Variants in GNB4 observed in about 807,000 individuals in gnomAD.
GNB4 encodes the protein G protein subunit beta 4.
In GNB4, 28 loss-of-function variants were observed where a neutral mutation model predicts 45.2. The observed-to-expected ratio is 0.62, with a 90% CI of 0.46 to 0.85. The LOEUF (loss-of-function observed/expected upper bound fraction) is 0.85, where lower values mean the gene tolerates loss of function less well. GNB4 is among the 40% of genes least tolerant of loss of function. The probability of loss-of-function intolerance (pLI) is 0.00; values close to 1 mark genes in which losing one functional copy is unlikely to be tolerated. For missense variants in GNB4, 321 were observed against 425.4 expected (o/e 0.75, Z 2.16); for synonymous variants, 132 against 143.7 (o/e 0.92, Z 0.58).
At chr3:179,455,074 C>T (rs1715958452), upstream of GNB4, among the ~76,000 whole-genome samples, 1 of 152,168 alleles carries the variant, frequency 6.6e-6, no homozygotes, top group African/African-American at 2.4e-5. Context: ...TTGCTGTACT[C>T]CTCTGACACT....
the GNB4 span, among the ~76,000 whole-genome samples, chr3:179,475,079 CAG>C: frequency 6.6e-6 from 1 of 152,012 alleles, no homozygotes; most frequent in Admixed American, 6.6e-5. Context: ...GAGACAGAGA[CAG>C]AGAGGGCCAA....
intron 2 of GNB4, among the ~76,000 whole-genome samples, chr3:179,423,617 A>G (rs917446745): frequency 6.6e-6 from 1 of 152,116 alleles, no homozygotes. Flanking sequence ...CCCCGTGTCT[A>G]CTAAAAATAC....
intron 8 of GNB4, among the ~76,000 whole-genome samples, chr3:179,411,916 T>C (rs1032666436): frequency 2.0e-5 from 3 of 152,344 alleles, no homozygotes; most frequent in African/African-American, 7.2e-5. Context: ...TCTAGTCATA[T>C]CTGTACTGTT....
the GNB4 span, among the ~76,000 whole-genome samples, chr3:179,513,401 C>T: frequency 6.6e-6 from 1 of 152,028 alleles, no homozygotes; most frequent in Non-Finnish European, 1.5e-5. Context: ...CCAGGCTGGT[C>T]TCAACCTCCT....
rs1274879698 is a variant in GNB4, at chr3:179,413,581, G to T, written c.530C>A (p.Thr177Asn). 20 of 1,613,994 alleles carry T rather than the reference G, an allele frequency of 1.2e-5. No individual in the cohort carries two copies. In the East Asian group the frequency reaches 4.0e-4, roughly 32 times the overall value. ...ALWDIETAQQ[T>N]TTFTGHSGDV... ...TCCAGAATGCCCAGTGAATGTGGTGGTCTGCTGGGCAGTTTCGATGTCCCA... is the reference window on the plus strand; with the variant it reads ...TCCAGAATGCCCAGTGAATGTGGTGTTCTGCTGGGCAGTTTCGATGTCCCA... Residue 177 changes from threonine (T) to asparagine (N), a missense_variant, in exon 8 of 10, where the codon ACC becomes AAC. Transcript: ENST00000232564.
At chr3:179,491,376 G>A in the GNB4 span, among the ~76,000 whole-genome samples, 1 of 152,172 alleles carries the variant, frequency 6.6e-6, no homozygotes, top group African/African-American at 2.4e-5. Flanking sequence ...AATACATTAT[G>A]GAAGGTGCTA....
At chr3:179,473,077 C>A in the GNB4 span, among the ~76,000 whole-genome samples, 1 of 152,136 alleles carries the variant, frequency 6.6e-6, no homozygotes, top group Non-Finnish European at 1.5e-5. Context: ...GCAGGAGAAT[C>A]GCTTGAACCC....
the GNB4 span, among the ~76,000 whole-genome samples, chr3:179,492,645 A>G: frequency 6.6e-6 from 1 of 152,158 alleles, no homozygotes; most frequent in African/African-American, 2.4e-5. Context: ...AAGCATGTCC[A>G]TGCCCCAGGA....
chr3:179,509,176 C>A, the GNB4 span, among the ~76,000 whole-genome samples: 1 of 150,502 alleles, frequency 6.6e-6, no homozygotes, highest in African/African-American at 2.5e-5. Context: ...CATACACACA[C>A]ACACACACAC....
chr3:179,494,605 A>T, the GNB4 span, among the ~76,000 whole-genome samples: 3 of 152,008 alleles, frequency 2.0e-5, no homozygotes, highest in East Asian at 5.8e-4. Context: ...GAAAGAAGGA[A>T]GGAAGAAAAG....
chr3:179,423,910 A>G (rs1292057015), intron 2 of GNB4, among the ~76,000 whole-genome samples: 2 of 152,212 alleles, frequency 1.3e-5, no homozygotes, highest in Non-Finnish European at 2.9e-5. Context: ...GAACAATTTG[A>G]TAAAAGGTAA....
At chr3:179,468,035 A>AAAAAAAATATAT in the GNB4 span, among the ~76,000 whole-genome samples, 3 of 89,856 alleles carry the variant, frequency 3.3e-5, no homozygotes, top group African/African-American at 1.2e-4. Flanking sequence ...TGTTGATAAA[A>AAAAAAAATATAT]ATATATATAT....
the GNB4 span, among the ~76,000 whole-genome samples, chr3:179,486,169 C>T: frequency 4.2e-5 from 6 of 142,968 alleles, no homozygotes; most frequent in East Asian, 6.1e-4. Context: ...TGCAGTGAGC[C>T]GAGATAGTGC....
chr3:179,432,626 CAT>C (rs1199980259), intron 1 of GNB4, among the ~76,000 whole-genome samples: 2 of 152,282 alleles, frequency 1.3e-5, no homozygotes. Flanking sequence ...ACTGTATTGA[CAT>C]GTGTGTACAC....
the GNB4 span, among the ~76,000 whole-genome samples, chr3:179,516,483 G>A: frequency 6.6e-6 from 1 of 152,180 alleles, no homozygotes; most frequent in African/African-American, 2.4e-5. Context: ...CCAGTCCTGG[G>A]TGGGGGCAAA....
upstream of GNB4, chr3:179,452,503 T>C (rs1715910857): frequency 6.6e-6 from 1 of 152,196 alleles, no homozygotes; most frequent in African/African-American, 2.4e-5. Context: ...TATCATCAGA[T>C]AACTTTAACA....
chr3:179,396,129 A>G lies in GNB4; in HGVS notation c.*5084T>C, dbSNP rs1333762194. ...TTATTGATTACAGTATCAATTCACA[A>G]CATTTCATAAAGCCACTGTACAAAT... On this transcript the variant is annotated 3_prime_UTR_variant, in exon 10 of 10. Coordinates refer to ENST00000232564, the MANE Select transcript of GNB4 (RefSeq NM_021629.4). 1 of 152,168 alleles carries G rather than the reference A, an allele frequency of 6.6e-6. No homozygotes were observed. The highest frequency in any genetic ancestry group is 1.5e-5 in the Non-Finnish European group (1 of 68,042). 9.4% of individuals were successfully genotyped at this position (152,168 alleles called of 1,614,324 possible). A position where few individuals can be genotyped will look rare whatever the true frequency, so the allele number is the denominator to read the frequency against.
At chr3:179,470,937 T>A in the GNB4 span, among the ~76,000 whole-genome samples, 111,434 of 152,040 alleles carry the variant, frequency 0.73, 41,267 homozygotes, top group East Asian at 0.98. Context: ...CCCAGCACTT[T>A]GGGAGACTGA....
At chr3:179,436,227 T>C (rs565735283) in intron 1 of GNB4, among the ~76,000 whole-genome samples, 11 of 152,156 alleles carry the variant, frequency 7.2e-5, no homozygotes, top group African/African-American at 2.2e-4. Flanking sequence ...GGAGAAACCC[T>C]GTCTCTACTA....
Sources: allele counts gnomAD v4.1 joint callset (sites outside exome capture counted in the v4.1 genomes callset), GRCh38; gene constraint gnomAD v4.1.1; transcripts MANE v1.5; gene names NCBI Gene and HGNC (gene_info 2026-07-23, HGNC 2026-07-21).